Variants in CPED1 observed in about 807,000 individuals in gnomAD.
The protein encoded by CPED1 is cadherin like and PC-esterase domain containing 1, also known as cadherin-like and PC-esterase domain-containing protein 1.
In CPED1, 114 loss-of-function variants were observed where a neutral mutation model predicts 128.2. The observed-to-expected ratio is 0.89, with a 90% CI of 0.76 to 1.04. The LOEUF is 1.04. CPED1 is among the 50% of genes least tolerant of loss of function. The pLI, the probability that CPED1 is intolerant of heterozygous loss-of-function variation, is 0.00. For missense variants in CPED1, 1,211 were observed against 1,207.1 expected (o/e 1.00, Z -0.05); for synonymous variants, 462 against 426.7 (o/e 1.08, Z -1.02).
chr7:121,208,950 A>G (rs1196389164), intron 16 of CPED1, among the ~76,000 whole-genome samples: 1 of 152,052 alleles, frequency 6.6e-6, no homozygotes, highest in Non-Finnish European at 1.5e-5. Flanking sequence ...GTATTCAAAG[A>G]ATACATGAGT....
chr7:121,207,214 A>G (rs1797538896), intron 16 of CPED1, among the ~76,000 whole-genome samples: 2 of 152,038 alleles, frequency 1.3e-5, no homozygotes, highest in Admixed American at 1.3e-4. Context: ...CCATCATCTT[A>G]CATATAAATC....
At chr7:121,094,295 A>C (rs1794645645) in intron 5 of CPED1, among the ~76,000 whole-genome samples, 1 of 152,178 alleles carries the variant, frequency 6.6e-6, no homozygotes, top group South Asian at 2.1e-4. Flanking sequence ...TTATACTTTT[A>C]TTATTACTTC....
At chr7:121,166,845 G>A (rs956705823) in intron 16 of CPED1, among the ~76,000 whole-genome samples, 5 of 152,216 alleles carry the variant, frequency 3.3e-5, no homozygotes, top group Middle Eastern at 3.4e-3. Flanking sequence ...TTAACAGATC[G>A]TGAAAATCAG....
intron 16 of CPED1, among the ~76,000 whole-genome samples, chr7:121,173,215 C>T (rs1456242259): frequency 6.6e-6 from 1 of 152,070 alleles, no homozygotes; most frequent in Non-Finnish European, 1.5e-5. Flanking sequence ...ACTTTCACTA[C>T]CCTGTGAAAC....
chr7:121,054,538 G>T (rs1793443771), intron 4 of CPED1, among the ~76,000 whole-genome samples: 1 of 152,076 alleles, frequency 6.6e-6, no homozygotes, highest in African/African-American at 2.4e-5. Flanking sequence ...TCTGAAGGTA[G>T]GGCATATCTT....
intron 7 of CPED1, among the ~76,000 whole-genome samples, chr7:121,101,302 C>T (rs1323850432): frequency 6.6e-6 from 1 of 152,032 alleles, no homozygotes; most frequent in Non-Finnish European, 1.5e-5. Flanking sequence ...CTTACTTCCC[C>T]ACATTGTTTA....
At chr7:121,125,972 A>G (rs1263790635) in intron 9 of CPED1, 80 bp downstream of exon 9, 4 of 1,023,762 alleles carry the variant, frequency 3.9e-6, no homozygotes, top group Middle Eastern at 2.1e-4. Flanking sequence ...TGTTGTTTTC[A>G]TTCATAGTAA....
chr7:121,140,152 AG>A (rs896591734), intron 14 of CPED1, among the ~76,000 whole-genome samples: 1 of 152,072 alleles, frequency 6.6e-6, no homozygotes, highest in African/African-American at 2.4e-5. Flanking sequence ...ACAAAGAGAA[AG>A]GTTTTTTTAA....
Position 121,295,703 on chromosome 7 carries a change from G to GACA in CPED1, c.*53_*55dup. 2.6e-6 allele frequency: 4 copies of GACA among 1,525,138 alleles called. No individual in the cohort carries two copies. The highest frequency in any genetic ancestry group is 3.6e-6 in the Non-Finnish European group (4 of 1,101,930). 94.5% of individuals were successfully genotyped at this position (1,525,138 alleles called of 1,614,324 possible). On this transcript the variant is annotated 3_prime_UTR_variant, in exon 23 of 23. Coordinates refer to ENST00000310396, the MANE Select transcript of CPED1 (RefSeq NM_024913.5). ...GAGCTGGAGACGAGCTAGTCACCCG[G>GACA]ACAATGGTCTAGGAGCCAAGCGCTG... is the stretch of plus-strand genomic sequence containing the variant.
At chr7:121,254,666 TAAC>T (rs902782239) in intron 18 of CPED1, among the ~76,000 whole-genome samples, 9 of 151,636 alleles carry the variant, frequency 5.9e-5, no homozygotes, top group Non-Finnish European at 8.9e-5. Context: ...CTAACTAGAT[TAAC>T]AACAACAAAA....
chr7:121,239,467 C>T (rs1398524454), intron 17 of CPED1, among the ~76,000 whole-genome samples: 2 of 151,930 alleles, frequency 1.3e-5, no homozygotes, highest in Non-Finnish European at 2.9e-5. Context: ...ATAAAAATTT[C>T]TACAGTGGTC....
At chr7:121,032,034 C>T (rs1792747383) in intron 3 of CPED1, among the ~76,000 whole-genome samples, 2 of 152,068 alleles carry the variant, frequency 1.3e-5, no homozygotes, top group South Asian at 4.1e-4. Context: ...TCATACATTG[C>T]TTGTGGAAAT....
rs1292108301 is a variant in CPED1 at position 121,241,517 on chromosome 7, A to G, written c.2174-2685A>G. Among the ~76,000 whole-genome samples, 10 of 152,152 alleles carry G rather than the reference A, an allele frequency of 6.6e-5. No individual in the cohort carries two copies. In the East Asian group the frequency reaches 1.2e-3, roughly 18 times the overall value. The stretch of plus-strand genomic sequence containing the variant: ...TTTAGCAGTACGGCCATTCTCTACA[A>G]CCAGAAACTTTAGAAACATCTTTCA... On this transcript the variant is annotated intron_variant, in intron 17 of 22. Coordinates refer to ENST00000310396, the MANE Select transcript of CPED1 (RefSeq NM_024913.5).
intron 5 of CPED1, among the ~76,000 whole-genome samples, chr7:121,079,328 G>A (rs1158400725): frequency 6.6e-6 from 1 of 152,180 alleles, no homozygotes. Flanking sequence ...ATTAGTAGAG[G>A]TGTTTGAAAA....
At chr7:121,151,275 A>G (rs1563046884) in intron 16 of CPED1, among the ~76,000 whole-genome samples, 1 of 152,316 alleles carries the variant, frequency 6.6e-6, no homozygotes, top group East Asian at 1.9e-4. Context: ...TGTCAGAGGT[A>G]TGAAAAGTGC....
intron 2 of CPED1, among the ~76,000 whole-genome samples, chr7:120,995,950 TC>T (rs1554418748): frequency 0.024 from 842 of 34,922 alleles, 14 homozygotes; most frequent in African/African-American, 0.048. Context: ...CTTCTTCTCC[TC>T]CTCCTCCTCC....
intron 16 of CPED1, among the ~76,000 whole-genome samples, chr7:121,151,462 A>G (rs1362882128): frequency 6.6e-6 from 1 of 152,242 alleles, no homozygotes; most frequent in Non-Finnish European, 1.5e-5. Flanking sequence ...TTTCATTTGT[A>G]GTTTTAATGA....
chr7:121,013,556 C>A (rs1159047051), intron 2 of CPED1, among the ~76,000 whole-genome samples: 1 of 152,140 alleles, frequency 6.6e-6, no homozygotes, highest in Non-Finnish European at 1.5e-5. Context: ...TACCTCATAG[C>A]GCCTCCTACA....
At chr7:121,024,420 CA>C (rs1273311036) in intron 3 of CPED1, among the ~76,000 whole-genome samples, 12 of 152,148 alleles carry the variant, frequency 7.9e-5, no homozygotes, top group African/African-American at 2.7e-4. Flanking sequence ...TTAGCTCTTA[CA>C]ACTGAAAATG....
Sources: gnomAD v4.1 joint callset for allele counts (sites outside exome capture counted in the v4.1 genomes callset) on GRCh38, gnomAD v4.1.1 for gene constraint, MANE v1.5 for transcripts, NCBI Gene and HGNC (gene_info 2026-07-23, HGNC 2026-07-21) for gene names.